FMN2: variants seen among roughly 807,000 people sequenced by gnomAD.
FMN2 encodes the protein formin 2, also known as formin-2.
In FMN2, 51 loss-of-function variants were observed where a neutral mutation model predicts 142.3. That is an observed-to-expected ratio of 0.36 (90% CI 0.29 to 0.45). FMN2 has a LOEUF of 0.45. Ranked by LOEUF, FMN2 falls within the 20% of genes least tolerant of loss-of-function variation. The pLI is 1.00. For synonymous variants in FMN2, 882 were observed against 869.8 expected, an observed-to-expected ratio of 1.01 and a Z score of -0.25; for missense variants, 1,936 against 2,122.8, an observed-to-expected ratio of 0.91 and a Z score of 1.73.
intron 6 of FMN2, among the ~76,000 whole-genome samples, chr1:240,223,326 G>C (rs534593529): frequency 2.8e-4 from 42 of 152,272 alleles, no homozygotes; most frequent in African/African-American, 9.9e-4. Flanking sequence ...GCATCCCAGG[G>C]ATTAAGCAAA....
At chr1:240,297,266 A>G (rs1480691692) in intron 8 of FMN2, among the ~76,000 whole-genome samples, 2 of 152,188 alleles carry the variant, frequency 1.3e-5, no homozygotes, top group Admixed American at 6.5e-5. Context: ...CCCAGAAAAT[A>G]CAGAACATTG....
At position 240,329,483 on chromosome 1, in the gene FMN2, A is replaced by G. The variant is rs1558436617; in HGVS notation, c.4437+15A>G. On this transcript the variant is annotated intron_variant, in intron 10 of 17. Transcript: ENST00000319653. The stretch of plus-strand genomic sequence containing the variant: ...AATTGTGTGAGGTGAGTTCTGGTCC[A>G]AAGAGAGCTGAACTTGAGTCTCATT... 11 of 1,609,862 alleles carry G rather than the reference A, an allele frequency of 6.8e-6. No homozygotes were observed. Among genetic ancestry groups the G allele is most frequent in the Non-Finnish European group, 9.3e-6 (11 of 1,178,844 alleles).
chr1:240,352,689 C>A (rs1672134926), intron 13 of FMN2, among the ~76,000 whole-genome samples: 1 of 152,176 alleles, frequency 6.6e-6, no homozygotes, highest in Non-Finnish European at 1.5e-5. Flanking sequence ...AAATCTCGGC[C>A]TCATTTCTTT....
At chr1:240,192,653 A>T (rs1350996203) in intron 4 of FMN2, among the ~76,000 whole-genome samples, 1 of 152,142 alleles carries the variant, frequency 6.6e-6, no homozygotes, top group African/African-American at 2.4e-5. Context: ...CTCAGTGTCT[A>T]ATCATTCTTA....
At chr1:240,233,834 G>T (rs1442638067) in intron 6 of FMN2, among the ~76,000 whole-genome samples, 1 of 152,066 alleles carries the variant, frequency 6.6e-6, no homozygotes, top group Non-Finnish European at 1.5e-5. Flanking sequence ...ATTGCACATT[G>T]GCCCCCTCCC....
In FMN2 at chr1:240,228,303, CAAAAAAAAAAAA is replaced by C. The variant is rs577421634; in HGVS notation, c.4065+17086_4065+17097del. Among the ~76,000 whole-genome samples, 35 of 47,746 alleles carry C rather than the reference CAAAAAAAAAAAA, an allele frequency of 7.3e-4. 1 individual carries two copies. Among genetic ancestry groups the C allele is most frequent in the East Asian group, 2.5e-3 (4 of 1,630 alleles). The allele number at this position is 47,746 out of a possible 152,430, so 31.3% of individuals were successfully genotyped here. A position where few individuals can be genotyped will look rare whatever the true frequency, so the allele number is the denominator to read the frequency against. On this transcript the variant is annotated intron_variant, in intron 6 of 17. Transcript: ENST00000319653. Reference sequence around the variant, plus strand: ...GGGCAACAAGAGTGAAACTCTGTCTCAAAAAAAAAAAAAAAAAAAAAAAAAAAAAGAAAAAGA... The same window carrying C: ...GGGCAACAAGAGTGAAACTCTGTCTCAAAAAAAAAAAAAAAAAGAAAAAGA...
intron 14 of FMN2, among the ~76,000 whole-genome samples, chr1:240,361,145 A>ATATG (rs1397639298): frequency 9.8e-5 from 1 of 10,212 alleles, no homozygotes; most frequent in East Asian, 2.2e-3. Flanking sequence ...ATATGTGTAT[A>ATATG]TATATATATA....
At chr1:240,388,227 C>CAAAAAAAA (rs761610582) in intron 14 of FMN2, among the ~76,000 whole-genome samples, 29 of 6,050 alleles carry the variant, frequency 4.8e-3, no homozygotes, top group Non-Finnish European at 6.1e-3. Context: ...GTGCTCAAAG[C>CAAAAAAAA]AAAAAAAAAA....
chr1:240,216,727 T>C (rs2103414044), intron 6 of FMN2, among the ~76,000 whole-genome samples: 1 of 152,194 alleles, frequency 6.6e-6, no homozygotes, highest in South Asian at 2.1e-4. Flanking sequence ...TTTTTAAAAA[T>C]GTTCGAGGTC....
intron 6 of FMN2, among the ~76,000 whole-genome samples, chr1:240,238,330 A>G (rs1430626810): frequency 1.3e-5 from 2 of 152,196 alleles, no homozygotes; most frequent in Admixed American, 1.3e-4. Flanking sequence ...AAATATGTTT[A>G]ACATTGTGTA....
intron 16 of FMN2, among the ~76,000 whole-genome samples, chr1:240,469,119 T>C (rs1558124380): frequency 1.3e-5 from 2 of 152,198 alleles, no homozygotes; most frequent in South Asian, 4.2e-4. Flanking sequence ...TGTCGTTGTT[T>C]TGGGGGTCTG....
rs143696271 is a variant in FMN2, at chr1:240,273,991, C to A, written c.4153+15959C>A. 9.7e-4 allele frequency among the ~76,000 whole-genome samples: 147 copies of A among 152,132 alleles called. 1 individual carries two copies. The highest frequency in any genetic ancestry group is 3.5e-3 in the African/African-American group (144 of 41,510). On this transcript the variant is annotated intron_variant, in intron 7 of 17. Coordinates refer to ENST00000319653, the MANE Select transcript of FMN2 (RefSeq NM_020066.5). ...CTGTTGTTTCCACAAAGAAAGATGC[C>A]AGCATTGACATTAACATCAGGGAGG...
intron 2 of FMN2, chr1:240,170,155 C>A: frequency 1.2e-6 from 1 of 841,898 alleles, no homozygotes; most frequent in Admixed American, 2.2e-5. Flanking sequence ...CTGGCGCCGA[C>A]CAGAACCCGT....
chr1:240,363,253 G>A (rs1672553822), intron 14 of FMN2, among the ~76,000 whole-genome samples: 1 of 152,146 alleles, frequency 6.6e-6, no homozygotes, highest in Admixed American at 6.5e-5. Flanking sequence ...AATGAAAACA[G>A]GTATGTTTGA....
At chr1:240,247,675 A>G (rs1048510443) in intron 6 of FMN2, among the ~76,000 whole-genome samples, 1 of 152,168 alleles carries the variant, frequency 6.6e-6, no homozygotes, top group Admixed American at 6.5e-5. Flanking sequence ...TGGAGAATGG[A>G]CAGGAAGGGA....
intron 15 of FMN2, among the ~76,000 whole-genome samples, chr1:240,433,872 A>G (rs1179829502): frequency 6.6e-6 from 1 of 152,056 alleles, no homozygotes; most frequent in Non-Finnish European, 1.5e-5. Context: ...TTAGATACCT[A>G]GGTCTTTGTA....
intron 15 of FMN2, among the ~76,000 whole-genome samples, chr1:240,430,731 A>G (rs1415556728): frequency 6.7e-6 from 1 of 150,006 alleles, no homozygotes; most frequent in Admixed American, 6.6e-5. Flanking sequence ...AAAAAAAAAA[A>G]ACTTTCCTAC....
intron 15 of FMN2, among the ~76,000 whole-genome samples, chr1:240,411,925 C>T (rs1356388761): frequency 6.6e-6 from 1 of 152,128 alleles, no homozygotes; most frequent in African/African-American, 2.4e-5. Context: ...AAGTCCGAAG[C>T]TCAGGAGTGA....
intron 7 of FMN2, among the ~76,000 whole-genome samples, chr1:240,261,594 C>T (rs977664858): frequency 3.3e-5 from 5 of 152,008 alleles, no homozygotes; most frequent in African/African-American, 4.8e-5. Flanking sequence ...AAGTTCTAAC[C>T]CTGGTCCTGC....
Sources: allele counts gnomAD v4.1 joint callset (sites outside exome capture counted in the v4.1 genomes callset), GRCh38; gene constraint gnomAD v4.1.1; transcripts MANE v1.5; gene names NCBI Gene and HGNC (gene_info 2026-07-23, HGNC 2026-07-21).